The following DAPK2 variants were observed in gnomAD, a reference collection of about 807,000 sequenced individuals.
DAPK2 encodes death-associated protein kinase 2.
Under a neutral mutation model 44.1 loss-of-function variants are expected in DAPK2, and 35 were observed. The observed-to-expected ratio is 0.79, with a 90% CI of 0.61 to 1.05. DAPK2 has a LOEUF of 1.05. Among genes scored for constraint, DAPK2 ranks in the 50% least tolerant of loss-of-function variants. The pLI, the probability that DAPK2 is intolerant of heterozygous loss-of-function variation, is 0.00. For synonymous variants in DAPK2, 174 were observed against 182.6 expected, an observed-to-expected ratio of 0.95 and a Z score of 0.38; for missense variants, 453 against 483.2, an observed-to-expected ratio of 0.94 and a Z score of 0.59.
At chr15:63,984,723 G>T (rs1199953504) in intron 1 of DAPK2, among the ~76,000 whole-genome samples, 1 of 152,102 alleles carries the variant, frequency 6.6e-6, no homozygotes, top group African/African-American at 2.4e-5. Flanking sequence ...AAAGTTTTCT[G>T]GTTCAGCTTA....
intron 4 of DAPK2, among the ~76,000 whole-genome samples, chr15:63,933,950 T>C (rs1009705582): frequency 6.6e-6 from 1 of 152,212 alleles, no homozygotes; most frequent in African/African-American, 2.4e-5. Flanking sequence ...CACTTTCTCA[T>C]GCCATTGATC....
rs560534785 is a variant in DAPK2, at chr15:63,994,810, G to A, written c.93-11056C>T. ...TCACCACATTGGCCAGGCTGGTTTC[G>A]AACTCCTGATCTCAGGTGATCCGCC... On this transcript the variant is annotated intron_variant, in intron 1 of 10. Coordinates refer to ENST00000261891, the Ensembl canonical transcript of DAPK2. 7.2e-5 allele frequency among the ~76,000 whole-genome samples: 11 copies of A among 152,008 alleles called. No homozygotes were observed. In the East Asian group the frequency reaches 1.9e-3, roughly 27 times the overall value.
intron 1 of DAPK2, among the ~76,000 whole-genome samples, chr15:63,986,816 C>T (rs1595857621): frequency 1.3e-5 from 2 of 152,018 alleles, no homozygotes; most frequent in South Asian, 2.1e-4. Context: ...GAAGATGGGG[C>T]TATTTAAAAG....
In DAPK2 at chr15:63,961,032, T is replaced by C. The variant is rs188451379; in HGVS notation, c.453+10391A>G. 2.6e-5 allele frequency among the ~76,000 whole-genome samples: 4 copies of C among 152,332 alleles called. No individual in the cohort carries two copies. The East Asian group carries it at 7.7e-4, about 29-fold the overall frequency. On this transcript the variant is annotated intron_variant, in intron 3 of 10. Transcript: ENST00000261891. ...CTTGCTTTATGAATCTGGGTGCTCC[T>C]GTATTGGTTGCATATATATTTAGGA... is the stretch of plus-strand genomic sequence containing the variant.
At chr15:63,973,155 C>T (rs940869571) in intron 2 of DAPK2, among the ~76,000 whole-genome samples, 1 of 152,246 alleles carries the variant, frequency 6.6e-6, no homozygotes. Flanking sequence ...TGTTGCCATA[C>T]TCCTCAGACA....
intron 1 of DAPK2, among the ~76,000 whole-genome samples, chr15:64,001,825 T>C (rs906448886): frequency 1.4e-4 from 21 of 152,328 alleles, no homozygotes; most frequent in Admixed American, 8.5e-4. Context: ...AGTGCTGTTT[T>C]AGAAAATATT....
chr15:64,002,957 TG>T (rs2079127877), intron 1 of DAPK2, among the ~76,000 whole-genome samples: 6 of 111,262 alleles, frequency 5.4e-5, no homozygotes, highest in South Asian at 3.2e-4. Flanking sequence ...TGTGTGTGTG[TG>T]TGTGTGTCGT....
At chr15:63,953,036 A>G (rs987874559) in intron 3 of DAPK2, among the ~76,000 whole-genome samples, 6 of 151,572 alleles carry the variant, frequency 4.0e-5, no homozygotes, top group African/African-American at 1.5e-4. Flanking sequence ...GTTTGGTTAC[A>G]TAAGTTCTTT....
chr15:64,039,613 G>A (rs779621514), intron 1 of DAPK2, among the ~76,000 whole-genome samples: 24 of 152,170 alleles, frequency 1.6e-4, no homozygotes, highest in Non-Finnish European at 2.9e-4. Flanking sequence ...AAATCCTAAC[G>A]ATAGTACTTT....
rs896939265 is a variant in DAPK2 at position 63,939,054 on chromosome 15, G to A, written c.583+178C>T. Among the ~76,000 whole-genome samples, 9 of 152,120 alleles carry A rather than the reference G, an allele frequency of 5.9e-5. No individual in the cohort carries two copies. The highest frequency in any genetic ancestry group is 3.9e-4 in the Admixed American group (6 of 15,266). On this transcript the variant is annotated intron_variant, in intron 4 of 10. Transcript: ENST00000261891. The surrounding 1 kb of genome is among the most constrained non-coding windows in gnomAD (Gnocchi z 4.3). ...CACTGAGCACTCAAAGCCTACACCTGGGCCCTCATCCCCAGGCCCAATAAG... is the reference window on the plus strand; with the variant it reads ...CACTGAGCACTCAAAGCCTACACCTAGGCCCTCATCCCCAGGCCCAATAAG...
rs1047220088 is a variant in DAPK2, at chr15:63,947,994, G to A, written c.454-8633C>T. 2.0e-5 allele frequency among the ~76,000 whole-genome samples: 3 copies of A among 152,118 alleles called. No individual in the cohort carries two copies. In the South Asian group the frequency reaches 6.2e-4, roughly 31 times the overall value. The stretch of plus-strand genomic sequence containing the variant: ...TGCTGTAATGAAATACCTGATGGGC[G>A]CAGTGGCTCACGCCTATAATCCCAG... On this transcript the variant is annotated intron_variant, in intron 3 of 10. Transcript: ENST00000261891.
rs750048216 is a variant in DAPK2, at chr15:63,923,147, G to A, written c.858+1669C>T. Reference sequence around the variant, plus strand: ...CACATCGTCCTGGATGGTATCGTGGGCCTCCACCAGGGCACGGCATCCCAG... The same window carrying A: ...CACATCGTCCTGGATGGTATCGTGGACCTCCACCAGGGCACGGCATCCCAG... On this transcript the variant is annotated intron_variant, in intron 8 of 10. Transcript: ENST00000261891. This position sits in a 1 kb window ranked among gnomAD's most constrained non-coding sequence, Gnocchi z 4.2. 19 of 1,535,704 alleles carry A rather than the reference G, an allele frequency of 1.2e-5. No individual in the cohort carries two copies. The South Asian group carries it at 2.1e-4, about 17-fold the overall frequency.
chr15:63,919,788 C>T (rs1463685411), intron 8 of DAPK2: 1 of 152,242 alleles, frequency 6.6e-6, no homozygotes, highest in Non-Finnish European at 1.5e-5. Flanking sequence ...ACTGGGCCTG[C>T]ATTCTATTTT....
exon 11 of DAPK2, chr15:63,907,044 A>T (rs887844124): frequency 6.6e-6 from 1 of 152,128 alleles, no homozygotes; most frequent in African/African-American, 2.4e-5. Flanking sequence ...GGTGGCTTAA[A>T]AGACAGAAGT....
chr15:64,002,697 A>G (rs1329930515), intron 1 of DAPK2, among the ~76,000 whole-genome samples: 1 of 152,226 alleles, frequency 6.6e-6, no homozygotes, highest in Non-Finnish European at 1.5e-5. Flanking sequence ...GGATGATAGT[A>G]TGAACTCCCA....
At chr15:64,014,788 T>A (rs2079478509) in intron 1 of DAPK2, among the ~76,000 whole-genome samples, 1 of 151,942 alleles carries the variant, frequency 6.6e-6, no homozygotes, top group African/African-American at 2.4e-5. Context: ...GGCATGGTGG[T>A]GGGCACCTGT....
At chr15:63,971,645 T>C in intron 2 of DAPK2, 84 bp from the exon 4 acceptor site, 2 of 1,458,200 alleles carry the variant, frequency 1.4e-6, no homozygotes, top group Non-Finnish European at 1.9e-6. Context: ...GGGCAAGCCC[T>C]CATCCTGACC....
rs1234386834 is a variant in DAPK2 at position 63,991,409 on chromosome 15, C to A, written c.93-7655G>T. 1.7e-4 allele frequency: 75 copies of A among 446,022 alleles called. 1 individual carries two copies. The highest frequency in any genetic ancestry group is 2.0e-5 in the African/African-American group (1 of 49,776). The allele number at this position is 446,022 out of a possible 1,614,324, so 27.6% of individuals were successfully genotyped here. A position where few individuals can be genotyped will look rare whatever the true frequency, so the allele number is the denominator to read the frequency against. ...TATGACTCTTCTCCCAGCTAATGAC[C>A]CAGGCCCCTCGTTTCATGAGCCTGT... On this transcript the variant is annotated intron_variant, in intron 1 of 10. Transcript: ENST00000261891.
chr15:64,016,917 C>T (rs767125113), intron 1 of DAPK2, among the ~76,000 whole-genome samples: 14 of 151,660 alleles, frequency 9.2e-5, no homozygotes, highest in Non-Finnish European at 1.9e-4. Flanking sequence ...ATGTAAAATG[C>T]CCAGCATATG....
Sources: gnomAD v4.1 joint callset for allele counts (sites outside exome capture counted in the v4.1 genomes callset) on GRCh38, gnomAD v4.1.1 for gene constraint, Gnocchi (gnomAD v3.1) non-coding constraint, MANE v1.5 for transcripts, NCBI Gene and HGNC (gene_info 2026-07-23, HGNC 2026-07-21) for gene names.